The following CLNK variants were observed in gnomAD, a reference collection of about 807,000 sequenced individuals.
CLNK encodes the protein cytokine-dependent hematopoietic cell linker.
CLNK carries 74 observed loss-of-function variants against 68.6 expected under a neutral mutation model. That is an observed-to-expected ratio of 1.08 (90% confidence interval 0.89 to 1.31). The LOEUF is 1.31. Ranked by LOEUF, CLNK falls within the 50% of genes most tolerant of loss-of-function variation. CLNK has a pLI of 0.00. For synonymous variants in CLNK, 198 were observed against 172.2 expected (o/e 1.15, Z -1.17); for missense variants, 553 against 515.3 (o/e 1.07, Z -0.71).
upstream of CLNK, among the ~76,000 whole-genome samples, chr4:10,687,600 A>G (rs780347380): frequency 6.6e-6 from 1 of 152,198 alleles, no homozygotes; most frequent in African/African-American, 2.4e-5. Context: ...GATATTGTCA[A>G]TCTGGATGCC....
the CLNK span, among the ~76,000 whole-genome samples, chr4:10,732,901 A>G: frequency 3.3e-5 from 5 of 152,194 alleles, no homozygotes; most frequent in African/African-American, 1.2e-4. Context: ...TAAAGAGAAT[A>G]ATATGAATTA....
At chr4:10,720,865 A>C in the CLNK span, among the ~76,000 whole-genome samples, 1 of 151,738 alleles carries the variant, frequency 6.6e-6, no homozygotes, top group Admixed American at 6.6e-5. Context: ...GCTTATGTTC[A>C]CACAAAAATT....
At chr4:10,576,041 C>T (rs573050732) in intron 4 of CLNK, among the ~76,000 whole-genome samples, 7 of 152,276 alleles carry the variant, frequency 4.6e-5, no homozygotes, top group Admixed American at 6.5e-5. Flanking sequence ...CCGCAACCCA[C>T]GTGTAGCAGA....
intron 8 of CLNK, among the ~76,000 whole-genome samples, chr4:10,550,214 C>T (rs531948713): frequency 1.3e-5 from 2 of 152,292 alleles, no homozygotes; most frequent in African/African-American, 4.8e-5. Context: ...ATTACATAGG[C>T]CAGGCGCGGT....
chr4:10,497,994 C>T (rs1230514444), intron 18 of CLNK, among the ~76,000 whole-genome samples: 1 of 151,820 alleles, frequency 6.6e-6, no homozygotes, highest in East Asian at 2.0e-4. Context: ...TCGGGAGTTC[C>T]AGACCAGCCT....
chr4:10,627,657 C>T lies in CLNK; in HGVS notation c.12-29608G>A, dbSNP rs1274642048. The stretch of plus-strand genomic sequence containing the variant: ...GAGAGACAGAGCGTCTCTCTGTCTC[C>T]TCCTTCTGCTGCTGCAGGGTGATTG... On this transcript the variant is annotated intron_variant, in intron 2 of 18. Coordinates refer to ENST00000226951, the MANE Select transcript of CLNK (RefSeq NM_052964.4). Among the ~76,000 whole-genome samples, 3 of 152,056 alleles carry T rather than the reference C, an allele frequency of 2.0e-5. No individual in the cohort carries two copies. The East Asian group carries it at 5.8e-4, about 29-fold the overall frequency.
intron 13 of CLNK, among the ~76,000 whole-genome samples, chr4:10,527,688 A>G (rs1425083436): frequency 6.6e-6 from 1 of 152,058 alleles, no homozygotes; most frequent in Non-Finnish European, 1.5e-5. Context: ...GTGTACATGT[A>G]TGTGTGTGTG....
At chr4:10,563,243 G>A (rs967323802) in intron 7 of CLNK, among the ~76,000 whole-genome samples, 14 of 152,110 alleles carry the variant, frequency 9.2e-5, no homozygotes, top group Admixed American at 2.6e-4. Context: ...TAACTGTGGT[G>A]CAAACTAAAA....
At chr4:10,639,757 T>C (rs1488745649) in intron 2 of CLNK, among the ~76,000 whole-genome samples, 1 of 152,248 alleles carries the variant, frequency 6.6e-6, no homozygotes, top group African/African-American at 2.4e-5. Context: ...GGCTACCATA[T>C]TGGACAGTGC....
chr4:10,610,222 A>G (rs538067805), intron 2 of CLNK, among the ~76,000 whole-genome samples: 264 of 148,816 alleles, frequency 1.8e-3, no homozygotes, highest in African/African-American at 6.4e-3. Flanking sequence ...GCGCCCGGCT[A>G]ATTTTTTGTA....
chr4:10,591,304 C>T (rs1229680630), intron 3 of CLNK, among the ~76,000 whole-genome samples: 1 of 152,102 alleles, frequency 6.6e-6, no homozygotes, highest in Non-Finnish European at 1.5e-5. Context: ...ATCTTGTTTC[C>T]CATGTGGCCA....
At chr4:10,550,482 G>T (rs936863342) in intron 8 of CLNK, among the ~76,000 whole-genome samples, 2 of 152,070 alleles carry the variant, frequency 1.3e-5, no homozygotes, top group African/African-American at 4.8e-5. Context: ...GCGGCACAGG[G>T]AGACTCTGTC....
At chr4:10,614,621 C>G (rs913359653) in intron 2 of CLNK, among the ~76,000 whole-genome samples, 1 of 152,198 alleles carries the variant, frequency 6.6e-6, no homozygotes, top group Non-Finnish European at 1.5e-5. Context: ...ACCACCCCAG[C>G]CCCACTGAAC....
chr4:10,699,332 ACG>A, the CLNK span, among the ~76,000 whole-genome samples: 1 of 105,002 alleles, frequency 9.5e-6, no homozygotes, highest in African/African-American at 3.4e-5. Context: ...CACACCACAT[ACG>A]TGTGTGTATA....
At chr4:10,664,043 C>A (rs1050699876) in intron 2 of CLNK, among the ~76,000 whole-genome samples, 1 of 152,092 alleles carries the variant, frequency 6.6e-6, no homozygotes, top group African/African-American at 2.4e-5. Flanking sequence ...TCCTGAGTTA[C>A]CCAGTCTGAG....
chr4:10,540,441 C>A, intron 11 of CLNK, 53 bp downstream of exon 11: 1 of 1,390,226 alleles, frequency 7.2e-7, no homozygotes, highest in Non-Finnish European at 1.0e-6. Context: ...TGTCCCCCTC[C>A]CCCACACCCA....
At chr4:10,600,189 T>C (rs1445726951) in intron 2 of CLNK, among the ~76,000 whole-genome samples, 2 of 152,194 alleles carry the variant, frequency 1.3e-5, no homozygotes, top group African/African-American at 2.4e-5. Context: ...CTAATTATTC[T>C]TTTTGCCTCC....
At chr4:10,569,255 C>A (rs1484738694) in intron 5 of CLNK, among the ~76,000 whole-genome samples, 4 of 148,342 alleles carry the variant, frequency 2.7e-5, no homozygotes, top group Non-Finnish European at 5.9e-5. Context: ...GGTTACAGAC[C>A]ATTGGTACTG....
At chr4:10,654,381 T>TATATATATATATATATATATATA (rs1270566130) in intron 2 of CLNK, among the ~76,000 whole-genome samples, 1 of 67,780 alleles carries the variant, frequency 1.5e-5, no homozygotes, top group African/African-American at 4.0e-5. Flanking sequence ...TATATATTGA[T>TATATATATATATATATATATATA]TAAATATATA....
Sources: gnomAD v4.1 joint callset for allele counts (sites outside exome capture counted in the v4.1 genomes callset) on GRCh38, gnomAD v4.1.1 for gene constraint, MANE v1.5 for transcripts, NCBI Gene and HGNC (gene_info 2026-07-23, HGNC 2026-07-21) for gene names.